ZC3H18: variants seen among roughly 807,000 people sequenced by gnomAD.
The protein encoded by ZC3H18 is zinc finger CCCH-type containing 18.
ZC3H18 carries 8 observed loss-of-function variants against 106.1 expected under a neutral mutation model. The ratio of observed to expected loss-of-function variants is 0.08; its 90% CI spans 0.04 to 0.14. The LOEUF is 0.14. Ranked by LOEUF, ZC3H18 falls within the 10% of genes least tolerant of loss-of-function variation. The pLI is 1.00. For synonymous variants in ZC3H18, 635 were observed against 522.1 expected (o/e 1.22, Z -2.95); for missense variants, 1,318 against 1,278.4 (o/e 1.03, Z -0.47).
At chr16:88,589,304 A>G (rs563151903) in intron 3 of ZC3H18, among the ~76,000 whole-genome samples, 1 of 152,318 alleles carries the variant, frequency 6.6e-6, no homozygotes, top group African/African-American at 2.4e-5. Context: ...CAGCAGTTCC[A>G]CTGCAGGTAT....
chr16:88,591,906 C>A (rs1243016656), intron 3 of ZC3H18, among the ~76,000 whole-genome samples: 1 of 152,128 alleles, frequency 6.6e-6, no homozygotes, highest in East Asian at 1.9e-4. Context: ...TTGTGTGTTT[C>A]ATCTTTTGAG....
chr16:88,611,606 T>A, intron 8 of ZC3H18, 70 bp downstream of exon 8: 1 of 1,501,912 alleles, frequency 6.7e-7, no homozygotes, highest in South Asian at 1.3e-5. Context: ...CTAGTCCCCC[T>A]GGCCTGCGCT....
intron 3 of ZC3H18, among the ~76,000 whole-genome samples, chr16:88,589,059 T>A (rs1286470071): frequency 6.6e-6 from 1 of 152,204 alleles, no homozygotes; most frequent in Non-Finnish European, 1.5e-5. Context: ...TGCTTTGTTA[T>A]GAGAAATTTG....
intron 15 of ZC3H18, among the ~76,000 whole-genome samples, chr16:88,628,423 G>A (rs1347220586): frequency 6.6e-6 from 1 of 152,144 alleles, no homozygotes; most frequent in African/African-American, 2.4e-5. Flanking sequence ...CTCCGTCCCT[G>A]TCCTCTGTCC....
intron 6 of ZC3H18, among the ~76,000 whole-genome samples, chr16:88,608,167 T>A (rs1212200681): frequency 6.6e-6 from 1 of 152,188 alleles, no homozygotes; most frequent in East Asian, 1.9e-4. Flanking sequence ...GCTCCTTGTT[T>A]TCGTGTTCTT....
chr16:88,629,028 G>C (rs1318097343), intron 16 of ZC3H18, among the ~76,000 whole-genome samples, 174 bp downstream of exon 16: 1 of 152,234 alleles, frequency 6.6e-6, no homozygotes, highest in African/African-American at 2.4e-5. Flanking sequence ...ACGAAGAAAA[G>C]GTTTTAAATA....
chr16:88,612,898 G>A (rs1015751158), intron 8 of ZC3H18, among the ~76,000 whole-genome samples: 3 of 152,176 alleles, frequency 2.0e-5, no homozygotes, highest in Non-Finnish European at 4.4e-5. Context: ...AGCTACTCGG[G>A]AGGCTAATAC....
intron 3 of ZC3H18, among the ~76,000 whole-genome samples, chr16:88,590,142 G>A (rs535436604): frequency 1.3e-5 from 2 of 152,178 alleles, no homozygotes; most frequent in East Asian, 3.9e-4. Context: ...TTGTAGAGAT[G>A]GGATCTCACT....
chr16:88,630,886 C>T (rs1431945988), intron 17 of ZC3H18, among the ~76,000 whole-genome samples: 1 of 152,204 alleles, frequency 6.6e-6, no homozygotes, highest in African/African-American at 2.4e-5. Flanking sequence ...TGTGCGGGGC[C>T]AGCCCAGGAC....
chr16:88,618,826 T>C (rs2142786243), intron 8 of ZC3H18, among the ~76,000 whole-genome samples: 1 of 152,346 alleles, frequency 6.6e-6, no homozygotes, highest in African/African-American at 2.4e-5. Flanking sequence ...ATTCCAGATC[T>C]GTCCTGGCCC....
rs775683460 is a variant in ZC3H18 at position 88,631,284 on chromosome 16, C to T, written c.2847C>T (p.Ile949=). ...CTATTGCACGCAAGCGGGCCAAGATCCCCGGGAAAGCATAGGCCGTGCCCC... is the reference window on the plus strand; with the variant it reads ...CTATTGCACGCAAGCGGGCCAAGATTCCCGGGAAAGCATAGGCCGTGCCCC... The part of the protein sequence containing the change: ...EDAIARKRAK[I]PGKA The change falls in exon 18 of 18, where the codon ATC becomes ATT. Residue 949 remains isoleucine (I), a synonymous_variant. Transcript: ENST00000301011. The T allele has an allele frequency of 1.8e-5, 28 of 1,589,760 alleles. No homozygotes were observed. The highest frequency in any genetic ancestry group is 1.4e-4 in the East Asian group (6 of 42,654).
Position 88,628,072 on chromosome 16 carries a change from G to A in ZC3H18, c.2422G>A (p.Gly808Ser), listed in dbSNP as rs780082854. The A allele has an allele frequency of 6.2e-7, 1 of 1,614,044 alleles. No homozygotes were observed. The highest frequency in any genetic ancestry group is 1.7e-5 in the Admixed American group (1 of 60,026). ...GGCACCCCCCGGGCAGCCCCAGCAG[G>A]GCACATTTGTGGCCCACAAGGAGAT... ...QQAPPGQPQQ[G>S]TFVAHKEIKL... The change falls in exon 15 of 18, where the codon GGC becomes AGC. Residue 808 changes from glycine to serine, a missense_variant. By Grantham distance (56) the Gly-to-Ser change is moderately conservative. Transcript: ENST00000301011.
intron 3 of ZC3H18, chr16:88,587,406 C>T (rs1268611460): frequency 1.0e-5 from 7 of 679,894 alleles, no homozygotes; most frequent in Non-Finnish European, 1.5e-5. Flanking sequence ...TCTTGTAATT[C>T]AGCGTTCCCC....
intron 2 of ZC3H18, among the ~76,000 whole-genome samples, chr16:88,580,619 A>G (rs935283289): frequency 2.7e-5 from 4 of 150,692 alleles, no homozygotes; most frequent in South Asian, 2.1e-4. Context: ...CACCAAGCCC[A>G]CCTCCTGTGC....
rs758607885 is a variant in ZC3H18, at chr16:88,627,833, C to T, written c.2269+51C>T. ...GGGAGCAGCTCCCGGGGGAGGAGGG[C>T]GGCATCAGCACAGACTTTGCCTGGC... is the stretch of plus-strand genomic sequence containing the variant. On this transcript the variant is annotated intron_variant, in intron 14 of 17. Coordinates refer to ENST00000301011, the MANE Select transcript of ZC3H18 (RefSeq NM_144604.4). This position sits in a 1 kb window ranked among gnomAD's most constrained non-coding sequence, Gnocchi z 4.5. 8.1e-6 allele frequency: 13 copies of T among 1,610,044 alleles called. No homozygotes were observed. Among genetic ancestry groups the T allele is most frequent in the Middle Eastern group, 1.7e-4 (1 of 6,052 alleles).
At chr16:88,599,981 C>G in intron 6 of ZC3H18, 33 bp downstream of exon 6, 1 of 1,610,218 alleles carries the variant, frequency 6.2e-7, no homozygotes, top group Non-Finnish European at 8.5e-7. Flanking sequence ...CCTCCGTTTC[C>G]TTCCTGCATG....
chr16:88,598,738 G>A (rs3764249), intron 5 of ZC3H18, 26 bp downstream of exon 5: 10 of 1,588,552 alleles, frequency 6.3e-6, no homozygotes, highest in Middle Eastern at 1.7e-4. Context: ...CAGAAATCCC[G>A]ACAAGAAAGA....
intron 6 of ZC3H18, among the ~76,000 whole-genome samples, chr16:88,601,766 G>A (rs899177808): frequency 2.0e-5 from 3 of 152,152 alleles, no homozygotes; most frequent in Admixed American, 2.0e-4. Flanking sequence ...TAGCCTCTGT[G>A]TATGTTACAG....
chr16:88,582,459 T>G (rs1217129353), intron 2 of ZC3H18, among the ~76,000 whole-genome samples: 1 of 152,128 alleles, frequency 6.6e-6, no homozygotes, highest in Non-Finnish European at 1.5e-5. Flanking sequence ...CCTGACCTCG[T>G]GATCCACCCG....
Sources: allele counts gnomAD v4.1 joint callset (sites outside exome capture counted in the v4.1 genomes callset), GRCh38; gene constraint gnomAD v4.1.1; non-coding constraint Gnocchi (gnomAD v3.1); transcripts MANE v1.5; gene names NCBI Gene and HGNC (gene_info 2026-07-23, HGNC 2026-07-21).